SYT1: variants seen among roughly 807,000 people sequenced by gnomAD.
The protein encoded by SYT1 is synaptotagmin-1.
SYT1 carries 8 observed loss-of-function variants against 44.8 expected under a neutral mutation model. The observed-to-expected ratio is 0.18, with a 90% CI of 0.10 to 0.32. The LOEUF (loss-of-function observed/expected upper bound fraction) is 0.32, where lower values mean the gene tolerates loss of function less well. Ranked by LOEUF, SYT1 falls within the 10% of genes least tolerant of loss-of-function variation. The probability of loss-of-function intolerance (pLI) is 1.00; values close to 1 mark genes in which losing one functional copy is unlikely to be tolerated. For synonymous variants in SYT1, 154 were observed against 188.8 expected (o/e 0.82, Z 1.51); for missense variants, 286 against 509.3 (o/e 0.56, Z 4.22).
At chr12:79,029,488 A>G (rs1487430574) in intron 2 of SYT1, among the ~76,000 whole-genome samples, 2 of 151,184 alleles carry the variant, frequency 1.3e-5, no homozygotes, top group Admixed American at 6.6e-5. Context: ...GAAGCCAAAC[A>G]TACATTCTGC....
At chr12:79,395,576 G>T (rs574025049) in intron 9 of SYT1, among the ~76,000 whole-genome samples, 1 of 151,868 alleles carries the variant, frequency 6.6e-6, no homozygotes, top group African/African-American at 2.4e-5. Flanking sequence ...TTGTAGAGAC[G>T]TCATCTCACT....
At chr12:78,979,775 C>T (rs528978751) in intron 2 of SYT1, among the ~76,000 whole-genome samples, 1 of 151,932 alleles carries the variant, frequency 6.6e-6, no homozygotes, top group Non-Finnish European at 1.5e-5. Flanking sequence ...TTCCAAGTTG[C>T]CAAACAATGA....
chr12:78,910,815 G>A (rs1876277497), intron 1 of SYT1, among the ~76,000 whole-genome samples: 1 of 151,978 alleles, frequency 6.6e-6, no homozygotes, highest in South Asian at 2.1e-4. Flanking sequence ...GTACATGTGA[G>A]CTGACACCAG....
intron 2 of SYT1, among the ~76,000 whole-genome samples, chr12:78,986,111 C>T (rs1055580007): frequency 3.3e-5 from 5 of 151,992 alleles, no homozygotes; most frequent in Admixed American, 2.0e-4. Flanking sequence ...TTTCTTCTAA[C>T]TAGGAAGTAC....
chr12:79,329,928 G>A (rs1316085533), intron 8 of SYT1, among the ~76,000 whole-genome samples: 1 of 152,030 alleles, frequency 6.6e-6, no homozygotes, highest in African/African-American at 2.4e-5. Flanking sequence ...TCCCTTTCTT[G>A]CATTTATCCC....
rs1166413638 is a variant in SYT1 at position 79,350,246 on chromosome 12, C to CTTT, written c.811-3234_811-3232dup. Among the ~76,000 whole-genome samples the CTTT allele has an allele frequency of 8.3e-3, 807 of 97,492 alleles. 29 individuals are homozygous for CTTT. Among genetic ancestry groups the CTTT allele is most frequent in the African/African-American group, 0.025 (576 of 23,318 alleles). 64.0% of individuals were successfully genotyped at this position (97,492 alleles called of 152,430 possible). On this transcript the variant is annotated intron_variant, in intron 8 of 10. Transcript: ENST00000261205. ...TCAGGGCCTCCCCAGGATGCATATT[C>CTTT]TTTTTTTTTTTTTTTTTTTTTTTTG...
intron 9 of SYT1, among the ~76,000 whole-genome samples, chr12:79,387,425 T>C (rs1189487451): frequency 6.6e-6 from 1 of 152,192 alleles, no homozygotes; most frequent in African/African-American, 2.4e-5. Flanking sequence ...CATGGGCAAA[T>C]CATTTAACTT....
intron 3 of SYT1, among the ~76,000 whole-genome samples, chr12:79,205,257 C>G (rs140641445): frequency 3.6e-4 from 55 of 152,158 alleles, no homozygotes; most frequent in African/African-American, 1.3e-3. Context: ...CCACCGCACC[C>G]GGCCTCCTGT....
At chr12:79,257,339 C>G (rs1401116371) in intron 4 of SYT1, among the ~76,000 whole-genome samples, 2 of 152,220 alleles carry the variant, frequency 1.3e-5, no homozygotes, top group Non-Finnish European at 2.9e-5. Flanking sequence ...GTTTGTCGCA[C>G]AGCTAATATT....
chr12:79,194,728 G>A (rs1357834456), intron 3 of SYT1, among the ~76,000 whole-genome samples: 5 of 152,106 alleles, frequency 3.3e-5, no homozygotes, highest in African/African-American at 1.2e-4. Context: ...ATGTGTGTGT[G>A]TGTTTAAATG....
At chr12:79,093,206 C>G (rs1375776954) in intron 3 of SYT1, among the ~76,000 whole-genome samples, 2 of 151,528 alleles carry the variant, frequency 1.3e-5, no homozygotes, top group African/African-American at 4.8e-5. Context: ...TTCTGGAATG[C>G]CCAAAAGTTA....
At chr12:79,015,852 G>A (rs533555470) in intron 2 of SYT1, among the ~76,000 whole-genome samples, 3 of 152,170 alleles carry the variant, frequency 2.0e-5, no homozygotes, top group African/African-American at 7.2e-5. Context: ...GGTAGGCCAG[G>A]ATTATCTACA....
chr12:79,417,165 CTG>C (rs2136146469), intron 9 of SYT1, among the ~76,000 whole-genome samples: 1 of 152,200 alleles, frequency 6.6e-6, no homozygotes, highest in East Asian at 1.9e-4. Context: ...TCATTGAAAC[CTG>C]TGTCTTCCTC....
At chr12:79,180,475 TC>T (rs1872459574) in intron 3 of SYT1, among the ~76,000 whole-genome samples, 1 of 68,648 alleles carries the variant, frequency 1.5e-5, no homozygotes, top group African/African-American at 8.5e-5. Flanking sequence ...TAATTTATTT[TC>T]TTTTTTTTTT....
At chr12:79,381,371 A>G (rs1884215691) in intron 9 of SYT1, among the ~76,000 whole-genome samples, 1 of 152,196 alleles carries the variant, frequency 6.6e-6, no homozygotes, top group African/African-American at 2.4e-5. Flanking sequence ...GATCCCCTTG[A>G]AAAAGATAAA....
intron 3 of SYT1, among the ~76,000 whole-genome samples, chr12:79,110,983 G>C (rs886679536): frequency 6.6e-6 from 1 of 152,126 alleles, no homozygotes; most frequent in Non-Finnish European, 1.5e-5. Flanking sequence ...GGCACTGGTC[G>C]AACTCAACAA....
intron 9 of SYT1, among the ~76,000 whole-genome samples, chr12:79,411,581 C>T (rs1868432532): frequency 6.6e-6 from 1 of 151,896 alleles, no homozygotes; most frequent in Non-Finnish European, 1.5e-5. Context: ...ATAAATCAAA[C>T]CTTTTGTGTT....
chr12:79,017,959 A>G lies in SYT1; in HGVS notation c.-83-29338A>G, dbSNP rs117870020. 9.8e-3 allele frequency among the ~76,000 whole-genome samples: 1,496 copies of G among 152,118 alleles called. 11 individuals carry two copies. Among genetic ancestry groups the G allele is most frequent in the Non-Finnish European group, 0.016 (1,083 of 67,982 alleles). On this transcript the variant is annotated intron_variant, in intron 2 of 10. Transcript: ENST00000261205. ...AATAAAATTGTTTATTTTGGTTAGA[A>G]GAGTAGTGTGGCATGGATGGCAATG...
chr12:79,165,331 T>G (rs1171012577), intron 3 of SYT1, among the ~76,000 whole-genome samples: 6 of 152,022 alleles, frequency 3.9e-5, no homozygotes, highest in Non-Finnish European at 2.9e-5. Flanking sequence ...TTATTACATA[T>G]TTGTAGCTTG....
Sources: allele counts gnomAD v4.1 joint callset (sites outside exome capture counted in the v4.1 genomes callset), GRCh38; gene constraint gnomAD v4.1.1; transcripts MANE v1.5; gene names NCBI Gene and HGNC (gene_info 2026-07-23, HGNC 2026-07-21).